The following ASPRV1 variants were observed in gnomAD, a reference collection of about 807,000 sequenced individuals.
ASPRV1 encodes the protein aspartic peptidase retroviral like 1.
In ASPRV1, 7 loss-of-function variants were observed where a neutral mutation model predicts 11.0. That is an observed-to-expected ratio of 0.64 (90% CI 0.36 to 1.20). The LOEUF (loss-of-function observed/expected upper bound fraction) is 1.20, where lower values mean the gene tolerates loss of function less well. ASPRV1 is among the 50% of genes most tolerant of loss of function. ASPRV1 has a pLI of 0.02. For missense variants in ASPRV1, 299 were observed against 320.0 expected, an observed-to-expected ratio of 0.93 and a Z score of 0.50; for synonymous variants, 136 against 138.4, an observed-to-expected ratio of 0.98 and a Z score of 0.12.
the ASPRV1 span, among the ~76,000 whole-genome samples, chr2:70,057,247 AAG>A: frequency 6.8e-6 from 1 of 147,680 alleles, no homozygotes; most frequent in African/African-American, 2.7e-5. Flanking sequence ...ATTAAAAAAA[AAG>A]AAAGAAAGAA....
At chr2:70,014,733 G>A in the ASPRV1 span, 1 of 143,906 alleles carries the variant, frequency 6.9e-6, no homozygotes, top group Non-Finnish European at 1.5e-5. Flanking sequence ...CAGGAAGGTC[G>A]AGACTGCAGT....
the ASPRV1 span, chr2:70,031,998 A>G: frequency 6.6e-6 from 1 of 152,178 alleles, no homozygotes; most frequent in African/African-American, 2.4e-5. Flanking sequence ...ATTGGCCTGG[A>G]TTTGGAACCA....
the ASPRV1 span, chr2:70,048,834 C>A: frequency 1.3e-5 from 2 of 152,202 alleles, no homozygotes; most frequent in African/African-American, 2.4e-5. Flanking sequence ...ATCAGCAATC[C>A]TTGGAGGGCC....
chr2:69,989,482 G>T, the ASPRV1 span, among the ~76,000 whole-genome samples: 1 of 152,200 alleles, frequency 6.6e-6, no homozygotes, highest in Non-Finnish European at 1.5e-5. Context: ...CCAGGAATGG[G>T]GGGCTGTGGG....
At chr2:70,048,925 CTCT>C in the ASPRV1 span, 1 of 152,198 alleles carries the variant, frequency 6.6e-6, no homozygotes, top group Non-Finnish European at 1.5e-5. Flanking sequence ...CTGTGTCCCT[CTCT>C]TCTTATGACA....
the ASPRV1 span, among the ~76,000 whole-genome samples, chr2:69,986,503 T>C: frequency 6.6e-6 from 1 of 152,158 alleles, no homozygotes; most frequent in African/African-American, 2.4e-5. Context: ...GCTCTATAAC[T>C]CAGGTCTGTG....
chr2:70,083,454 T>C, the ASPRV1 span: 1 of 152,256 alleles, frequency 6.6e-6, no homozygotes, highest in Non-Finnish European at 1.5e-5. Flanking sequence ...ATCATTCCTC[T>C]GTATGTAGCA....
At chr2:69,934,408 T>C in the ASPRV1 span, among the ~76,000 whole-genome samples, 1 of 152,248 alleles carries the variant, frequency 6.6e-6, no homozygotes, top group African/African-American at 2.4e-5. Context: ...GGAGCAACTC[T>C]CGTGCTCTCT....
At chr2:69,972,350 C>T in the ASPRV1 span, among the ~76,000 whole-genome samples, 114 of 144,834 alleles carry the variant, frequency 7.9e-4, no homozygotes, top group African/African-American at 2.7e-3. Context: ...TGTGAGCCAC[C>T]GTGCCCGGCC....
the ASPRV1 span, among the ~76,000 whole-genome samples, chr2:69,986,608 T>C: frequency 1.9e-3 from 283 of 152,348 alleles, 1 homozygote; most frequent in Non-Finnish European, 3.1e-3. Context: ...CCACAGGCGC[T>C]GCCCTGGGTT....
At chr2:70,007,972 A>G in the ASPRV1 span, among the ~76,000 whole-genome samples, 1 of 152,084 alleles carries the variant, frequency 6.6e-6, no homozygotes, top group East Asian at 1.9e-4. Context: ...AGTAGCTGGG[A>G]CTACAGGTAC....
At chr2:70,057,639 C>G in the ASPRV1 span, among the ~76,000 whole-genome samples, 2 of 151,824 alleles carry the variant, frequency 1.3e-5, no homozygotes, top group Non-Finnish European at 2.9e-5. Context: ...CCACCACGCC[C>G]AGCTAATTAT....
the ASPRV1 span, chr2:69,975,535 G>A: frequency 6.6e-6 from 1 of 152,282 alleles, no homozygotes; most frequent in African/African-American, 2.4e-5. Context: ...TTTGCCAAGA[G>A]ACTTTGCCAC....
chr2:70,066,405 A>C, the ASPRV1 span, among the ~76,000 whole-genome samples: 1 of 151,002 alleles, frequency 6.6e-6, no homozygotes, highest in African/African-American at 2.4e-5. Flanking sequence ...CGCCCAGCTA[A>C]TTTTTGTATT....
At chr2:69,950,997 C>T in the ASPRV1 span, among the ~76,000 whole-genome samples, 8 of 151,200 alleles carry the variant, frequency 5.3e-5, no homozygotes, top group Non-Finnish European at 4.4e-5. Flanking sequence ...AAGGCAAGAA[C>T]GAGAGAGTGA....
chr2:70,000,247 C>A, the ASPRV1 span, among the ~76,000 whole-genome samples: 1 of 149,240 alleles, frequency 6.7e-6, no homozygotes, highest in Non-Finnish European at 1.5e-5. Flanking sequence ...ACTGGGCAGG[C>A]TAAGGCAGGA....
the ASPRV1 span, among the ~76,000 whole-genome samples, chr2:70,036,753 G>A: frequency 3.9e-5 from 6 of 152,026 alleles, no homozygotes; most frequent in Admixed American, 2.6e-4. Flanking sequence ...CTGCAGCCTC[G>A]AACTCCTAGG....
the ASPRV1 span, among the ~76,000 whole-genome samples, chr2:70,027,127 G>A: frequency 6.6e-6 from 1 of 151,482 alleles, no homozygotes; most frequent in Non-Finnish European, 1.5e-5. Context: ...GCGTGATGAT[G>A]TGCACCTGTA....
chr2:69,956,109 T>C (rs953580666), downstream of ASPRV1, among the ~76,000 whole-genome samples: 1 of 152,104 alleles, frequency 6.6e-6, no homozygotes, highest in Non-Finnish European at 1.5e-5. Flanking sequence ...TGGGGACACG[T>C]CCCAAGGAGA....
Sources: gnomAD v4.1 joint callset for allele counts (sites outside exome capture counted in the v4.1 genomes callset) on GRCh38, gnomAD v4.1.1 for gene constraint, MANE v1.5 for transcripts, NCBI Gene and HGNC (gene_info 2026-07-23, HGNC 2026-07-21) for gene names.